ATRNL1: variants seen among roughly 807,000 people sequenced by gnomAD.
The protein encoded by ATRNL1 is attractin-like protein 1.
A neutral mutation model predicts 182.7 loss-of-function variants in ATRNL1; 95 were observed. The observed-to-expected ratio is 0.52, with a 90% CI of 0.44 to 0.62. ATRNL1 has a LOEUF of 0.62. Ranked by LOEUF, ATRNL1 falls within the 20% of genes least tolerant of loss-of-function variation. The probability of loss-of-function intolerance (pLI) is 0.00; values close to 1 mark genes in which losing one functional copy is unlikely to be tolerated. For synonymous variants in ATRNL1, 576 were observed against 568.3 expected (o/e 1.01, Z -0.19); for missense variants, 1,471 against 1,679.5 (o/e 0.88, Z 2.17).
In ATRNL1 at chr10:115,320,307, T is replaced by G. The variant is rs1399176376; in HGVS notation, c.3037+4571T>G. Among the ~76,000 whole-genome samples, 4 of 152,130 alleles carry G rather than the reference T, an allele frequency of 2.6e-5. No individual in the cohort carries two copies. The East Asian group carries it at 7.7e-4, about 29-fold the overall frequency. ...CCCTTTGTAGGTGACCTGGTCTTTT[T>G]GTCTGGCTGCCATTGACATTTTTGC... On this transcript the variant is annotated intron_variant, in intron 18 of 28. Coordinates refer to ENST00000355044, the MANE Select transcript of ATRNL1 (RefSeq NM_207303.4).
chr10:115,204,559 C>T (rs1554893325), intron 8 of ATRNL1, among the ~76,000 whole-genome samples: 4 of 151,912 alleles, frequency 2.6e-5, no homozygotes, highest in Admixed American at 2.0e-4. Flanking sequence ...AATTATTGTC[C>T]TTCATTCTGT....
intron 21 of ATRNL1, among the ~76,000 whole-genome samples, chr10:115,431,572 T>G (rs1250122064): frequency 2.6e-5 from 4 of 152,152 alleles, no homozygotes; most frequent in South Asian, 2.1e-4. Context: ...TCCCTGTATT[T>G]TTTATTTATT....
chr10:115,410,828 C>T (rs585908), intron 20 of ATRNL1, among the ~76,000 whole-genome samples: 57,894 of 151,904 alleles, frequency 0.38, 12,210 homozygotes, highest in African/African-American at 0.57. Context: ...ACCTCTGCCT[C>T]GTGGGTTCAA....
At chr10:115,488,399 A>C (rs1165023133) in intron 24 of ATRNL1, among the ~76,000 whole-genome samples, 1 of 151,974 alleles carries the variant, frequency 6.6e-6, no homozygotes, top group African/African-American at 2.4e-5. Context: ...CAATTTCAGA[A>C]CTTGTTATTG....
chr10:115,250,867 T>C (rs1850846884), intron 10 of ATRNL1, among the ~76,000 whole-genome samples: 1 of 152,222 alleles, frequency 6.6e-6, no homozygotes, highest in Non-Finnish European at 1.5e-5. Context: ...GTTGTTAATG[T>C]AGTAGAACAA....
chr10:115,691,460 G>T (rs556215189), intron 26 of ATRNL1, among the ~76,000 whole-genome samples: 2 of 152,128 alleles, frequency 1.3e-5, no homozygotes, highest in Admixed American at 6.5e-5. Flanking sequence ...GATGGCTCAC[G>T]CCTGTAATTC....
At chr10:115,813,325 A>G (rs1361836498) in intron 27 of ATRNL1, among the ~76,000 whole-genome samples, 3 of 152,152 alleles carry the variant, frequency 2.0e-5, no homozygotes, top group African/African-American at 4.8e-5. Context: ...CTGTCCAACT[A>G]TAATGTTGCA....
intron 27 of ATRNL1, among the ~76,000 whole-genome samples, chr10:115,840,515 T>C (rs1950782476): frequency 1.3e-5 from 2 of 151,972 alleles, no homozygotes; most frequent in Non-Finnish European, 2.9e-5. Flanking sequence ...ACACTGTGAG[T>C]AAGGTATTTT....
chr10:115,750,127 A>T (rs573523489), intron 27 of ATRNL1, among the ~76,000 whole-genome samples: 1 of 152,066 alleles, frequency 6.6e-6, no homozygotes, highest in East Asian at 1.9e-4. Context: ...GGGAATTAAG[A>T]TAGTACCCAA....
chr10:115,938,625 CAAT>C (rs1179984282), intron 28 of ATRNL1, among the ~76,000 whole-genome samples: 1 of 152,030 alleles, frequency 6.6e-6, no homozygotes, highest in African/African-American at 2.4e-5. Context: ...AGGGAAAAAT[CAAT>C]AAAGAGAATG....
At chr10:115,803,460 A>C (rs1949845673) in intron 27 of ATRNL1, among the ~76,000 whole-genome samples, 1 of 152,150 alleles carries the variant, frequency 6.6e-6, no homozygotes, top group Non-Finnish European at 1.5e-5. Flanking sequence ...GCAGATAAAC[A>C]TCACTATGTA....
At chr10:115,556,983 G>A (rs189803488) in intron 26 of ATRNL1, among the ~76,000 whole-genome samples, 17 of 151,900 alleles carry the variant, frequency 1.1e-4, no homozygotes, top group African/African-American at 3.9e-4. Context: ...AGCCAAGTGT[G>A]TTTATTATTA....
intron 21 of ATRNL1, among the ~76,000 whole-genome samples, chr10:115,447,747 C>T (rs1317215782): frequency 6.6e-6 from 1 of 151,812 alleles, no homozygotes; most frequent in Non-Finnish European, 1.5e-5. Context: ...AATCCTTACA[C>T]ATTTCTACTT....
intron 26 of ATRNL1, among the ~76,000 whole-genome samples, chr10:115,621,266 TATATATATATAGAG>T (rs1565220554): frequency 1.8e-5 from 1 of 56,662 alleles, no homozygotes; most frequent in Admixed American, 2.0e-4. Flanking sequence ...TATATATATA[TATATATATATAGAG>T]AGAGAGAGAG....
At chr10:115,396,045 C>A (rs1415706599) in intron 20 of ATRNL1, among the ~76,000 whole-genome samples, 2 of 151,672 alleles carry the variant, frequency 1.3e-5, no homozygotes, top group Non-Finnish European at 2.9e-5. Context: ...GGAAAATGAT[C>A]CTTTTATTTT....
chr10:115,177,914 T>G (rs1487373852), intron 8 of ATRNL1, among the ~76,000 whole-genome samples: 4 of 120,434 alleles, frequency 3.3e-5, no homozygotes, highest in South Asian at 5.1e-4. Flanking sequence ...TTTTTTTTGT[T>G]TTTTTTTTTG....
chr10:115,622,193 A>G lies in ATRNL1; in HGVS notation c.3795+72657A>G, dbSNP rs555093350. On this transcript the variant is annotated intron_variant, in intron 26 of 28. Coordinates refer to ENST00000355044, the MANE Select transcript of ATRNL1 (RefSeq NM_207303.4). ...TGCAAGGGATTTGCACTTCCAGGATATGCAGCCTATAGGATTCATAGACCT... is the reference window on the plus strand; with the variant it reads ...TGCAAGGGATTTGCACTTCCAGGATGTGCAGCCTATAGGATTCATAGACCT... Among the ~76,000 whole-genome samples, 5 of 152,370 alleles carry G rather than the reference A, an allele frequency of 3.3e-5. No homozygotes were observed. The South Asian group carries it at 1.0e-3, about 32-fold the overall frequency.
Position 115,866,771 on chromosome 10 carries a change from A to G in ATRNL1, c.4018+18780A>G, listed in dbSNP as rs897598626. On this transcript the variant is annotated intron_variant, in intron 28 of 28. Coordinates refer to ENST00000355044, the MANE Select transcript of ATRNL1 (RefSeq NM_207303.4). Reference sequence around the variant, plus strand: ...GAGTTTTTTTTAAAGGAGCGAGAAGAAAAGCTACAAGGGATTTTAAAGAGT... The same window carrying G: ...GAGTTTTTTTTAAAGGAGCGAGAAGGAAAGCTACAAGGGATTTTAAAGAGT... Among the ~76,000 whole-genome samples the G allele has an allele frequency of 8.5e-5, 13 of 152,198 alleles. 1 individual carries two copies. The highest frequency in any genetic ancestry group is 8.5e-4 in the Admixed American group (13 of 15,276).
rs146982569 is a variant in ATRNL1, at chr10:115,872,448, T to C, written c.4018+24457T>C. ...TCTAGGTCACAAAGGTAGAAGTGTG[T>C]TAATCAGAAGATAAAGATAAATTAA... On this transcript the variant is annotated intron_variant, in intron 28 of 28. Transcript: ENST00000355044. Among the ~76,000 whole-genome samples the C allele has an allele frequency of 2.6e-4, 39 of 152,308 alleles. No homozygotes were observed. In the East Asian group the frequency reaches 7.3e-3, roughly 29 times the overall value.
Sources: gnomAD v4.1 joint callset for allele counts (sites outside exome capture counted in the v4.1 genomes callset) on GRCh38, gnomAD v4.1.1 for gene constraint, MANE v1.5 for transcripts, NCBI Gene and HGNC (gene_info 2026-07-23, HGNC 2026-07-21) for gene names.